Variants in PADI3 observed in about 807,000 individuals in gnomAD.
PADI3 encodes peptidyl arginine deiminase 3, also known as protein-arginine deiminase type-3.
Under a neutral mutation model 71.5 loss-of-function variants are expected in PADI3, and 53 were observed. That is an observed-to-expected ratio of 0.74 (90% CI 0.59 to 0.93). The LOEUF (loss-of-function observed/expected upper bound fraction) is 0.93. Among genes scored for constraint, PADI3 ranks in the 40% least tolerant of loss-of-function variants. The pLI, the probability that PADI3 is intolerant of heterozygous loss-of-function variation, is 0.00. For missense variants in PADI3, 821 were observed against 868.0 expected, an observed-to-expected ratio of 0.95 and a Z score of 0.68; for synonymous variants, 361 against 347.5, an observed-to-expected ratio of 1.04 and a Z score of -0.43.
In PADI3 at chr1:17,282,873, C is replaced by A. The variant is rs760934091; in HGVS notation, c.1789C>A (p.Leu597Met). Reference sequence around the variant, plus strand: ...GAACATGCTGGTGCTGGGGAAGCACCTGGGCATCCCCAAGCCCTTTGGGCC... The same window carrying A: ...GAACATGCTGGTGCTGGGGAAGCACATGGGCATCCCCAAGCCCTTTGGGCC... ...LVNMLVLGKH[L>M]GIPKPFGPII... Residue 597 changes from leucine (L) to methionine (M), a missense_variant, in exon 16 of 16, where the codon CTG (leucine) becomes ATG (methionine). Physicochemically the swap from Leu to Met is conservative, Grantham distance 15. Coordinates refer to ENST00000375460, the MANE Select transcript of PADI3 (RefSeq NM_016233.2). The A allele has an allele frequency of 5.4e-5, 87 of 1,613,382 alleles. 1 individual carries two copies. In the Admixed American group the frequency reaches 1.4e-3, roughly 27 times the overall value.
chr1:17,265,031 C>A (rs534773213), intron 3 of PADI3, among the ~76,000 whole-genome samples: 1 of 148,364 alleles, frequency 6.7e-6, no homozygotes. Flanking sequence ...AAAATCCTAT[C>A]TAATGTATTC....
chr1:17,262,955 C>T (rs2073121299), intron 3 of PADI3, among the ~76,000 whole-genome samples: 1 of 152,174 alleles, frequency 6.6e-6, no homozygotes, highest in South Asian at 2.1e-4. Flanking sequence ...GCTCTTGTTG[C>T]CCAGGCTGGA....
chr1:17,258,234 C>T (rs113787380), intron 1 of PADI3, among the ~76,000 whole-genome samples: 16 of 152,348 alleles, frequency 1.1e-4, no homozygotes, highest in African/African-American at 3.6e-4. Context: ...CCCTCCAACT[C>T]GCAGTGGCCT....
intron 7 of PADI3, 96 bp from the exon 8 acceptor site, chr1:17,270,783 G>C: frequency 1.1e-6 from 1 of 879,930 alleles, no homozygotes; most frequent in Non-Finnish European, 1.9e-6. Context: ...AGAGAAGCAA[G>C]GGGTTTTCTT....
intron 15 of PADI3, among the ~76,000 whole-genome samples, chr1:17,282,642 A>G (rs1039575994): frequency 2.2e-4 from 33 of 152,242 alleles, no homozygotes; most frequent in African/African-American, 8.0e-4. Flanking sequence ...GCACGTTGCC[A>G]GAGTGAGTTC....
intron 7 of PADI3, 48 bp downstream of exon 7, chr1:17,270,459 G>A (rs773019131): frequency 1.0e-5 from 16 of 1,542,378 alleles, no homozygotes; most frequent in Admixed American, 2.0e-5. Context: ...GACCAGCCTG[G>A]GCAACATGGT....
intron 6 of PADI3, among the ~76,000 whole-genome samples, chr1:17,268,882 C>T (rs1392326993): frequency 1.4e-5 from 2 of 141,520 alleles, no homozygotes; most frequent in African/African-American, 5.3e-5. Context: ...GTCTCTAAAT[C>T]TGACTTTTTT....
chr1:17,272,672 A>AT (rs1474590431), intron 9 of PADI3, among the ~76,000 whole-genome samples: 1 of 151,760 alleles, frequency 6.6e-6, no homozygotes, highest in Non-Finnish European at 1.5e-5. Flanking sequence ...GGCTCAGCTA[A>AT]TTTTTTGTAG....
rs780932966 is a variant in PADI3, at chr1:17,267,823, G to C, written c.527-14G>C. 7 of 1,612,862 alleles carry C rather than the reference G, an allele frequency of 4.3e-6. No homozygotes were observed. The highest frequency in any genetic ancestry group is 5.9e-6 in the Non-Finnish European group (7 of 1,180,000). ...GACTCCCTTGAGTCACTACCACTCT[G>C]TCTGGCTTCACAGACCTGGAAGACA... On this transcript the variant is annotated splice_polypyrimidine_tract_variant and intron_variant, in intron 5 of 15. Coordinates refer to ENST00000375460, the MANE Select transcript of PADI3 (RefSeq NM_016233.2).
intron 11 of PADI3, 106 bp from the exon 12 acceptor site, chr1:17,276,413 G>T: frequency 1.1e-5 from 12 of 1,127,758 alleles, no homozygotes; most frequent in Admixed American, 6.6e-5. Flanking sequence ...ATGTTTTTTT[G>T]TTTTTTAAAA....
chr1:17,255,999 A>G (rs989412047), intron 1 of PADI3, among the ~76,000 whole-genome samples: 14 of 152,072 alleles, frequency 9.2e-5, no homozygotes, highest in Non-Finnish European at 1.8e-4. Flanking sequence ...TCCCCATTAC[A>G]TAGGGATGAA....
intron 15 of PADI3, among the ~76,000 whole-genome samples, chr1:17,281,812 G>A (rs1370153844): frequency 1.3e-5 from 2 of 152,192 alleles, no homozygotes; most frequent in Non-Finnish European, 2.9e-5. Flanking sequence ...CCACCCCAGC[G>A]GTCCTGATTC....
intron 1 of PADI3, among the ~76,000 whole-genome samples, chr1:17,257,723 G>T (rs1453333550): frequency 6.6e-6 from 1 of 152,228 alleles, no homozygotes; most frequent in Non-Finnish European, 1.5e-5. Context: ...GGTTGTTTTG[G>T]GGGAGGTCTG....
rs201806996 is a variant in PADI3 at position 17,259,699 on chromosome 1, G to A, written c.214G>A (p.Ala72Thr). Residue 72 changes from alanine to threonine, a missense_variant, in exon 2 of 16, where the codon GCG (alanine) becomes ACG (threonine). Coordinates refer to ENST00000375460, the MANE Select transcript of PADI3 (RefSeq NM_016233.2). ...AGACACCAGGCGGTGGCGCTTTGAC[G>A]CGACTTTGGAGATCATCGTGGTCAT... is the stretch of plus-strand genomic sequence containing the variant. ...RADTRRWRFD[A>T]TLEIIVVMNS... 7.9e-5 allele frequency: 127 copies of A among 1,613,290 alleles called. No homozygotes were observed. The highest frequency in any genetic ancestry group is 1.1e-4 in the Non-Finnish European group (126 of 1,179,574).
intron 1 of PADI3, among the ~76,000 whole-genome samples, chr1:17,253,141 C>G (rs1368641912): frequency 2.0e-5 from 3 of 152,226 alleles, no homozygotes; most frequent in African/African-American, 7.2e-5. Context: ...AACTGAGTCA[C>G]AGAGGTGCTG....
intron 9 of PADI3, among the ~76,000 whole-genome samples, chr1:17,272,419 A>G (rs2073267825): frequency 6.6e-6 from 1 of 152,156 alleles, no homozygotes; most frequent in Admixed American, 6.5e-5. Context: ...CTGGGTTTAG[A>G]GCCTGGCTGT....
rs750314766 is a variant in PADI3, at chr1:17,259,717, G to A, written c.232G>A (p.Val78Met). The stretch of plus-strand genomic sequence containing the variant: ...CTTTGACGCGACTTTGGAGATCATC[G>A]TGGTCATGAACTCCCCCAGCAATGA... ...WRFDATLEII[V>M]VMNSPSNDLN... The change falls in exon 2 of 16, where the codon GTG becomes ATG. Residue 78 changes from valine to methionine, a missense_variant. Transcript: ENST00000375460. The A allele has an allele frequency of 5.0e-6, 8 of 1,612,644 alleles. No homozygotes were observed. Among genetic ancestry groups the A allele is most frequent in the South Asian group, 1.1e-5 (1 of 90,898 alleles).
In PADI3 at chr1:17,276,806, C is replaced by T. The variant is rs1223854531; in HGVS notation, c.1485C>T (p.Ala495=). ...GFRMLLASPG[A]CFKLFQEKQK... Reference sequence around the variant, plus strand: ...GGATGCTCCTGGCCAGCCCTGGGGCCTGCTTCAAGCTCTTCCAGGAAAAGC... The same window carrying T: ...GGATGCTCCTGGCCAGCCCTGGGGCTTGCTTCAAGCTCTTCCAGGAAAAGC... The change falls in exon 13 of 16, where the codon GCC becomes GCT. Residue 495 remains alanine (A), a synonymous_variant. Coordinates refer to ENST00000375460, the MANE Select transcript of PADI3 (RefSeq NM_016233.2). The T allele has an allele frequency of 1.2e-6, 2 of 1,613,624 alleles. No homozygotes were observed.
chr1:17,271,388 C>G (rs1170256824), intron 9 of PADI3, among the ~76,000 whole-genome samples: 2 of 152,210 alleles, frequency 1.3e-5, no homozygotes. Flanking sequence ...CCCACCGGAT[C>G]TGGGCTAGGC....
Sources: allele counts gnomAD v4.1 joint callset (sites outside exome capture counted in the v4.1 genomes callset), GRCh38; gene constraint gnomAD v4.1.1; transcripts MANE v1.5; gene names NCBI Gene and HGNC (gene_info 2026-07-23, HGNC 2026-07-21).